The following MGAT4B variants were observed in gnomAD, a reference collection of about 807,000 sequenced individuals.
MGAT4B encodes N-acetylglucosaminyltransferase IVb.
Under a neutral mutation model 73.9 loss-of-function variants are expected in MGAT4B, and 38 were observed. That is an observed-to-expected ratio of 0.51 (90% confidence interval 0.40 to 0.67). MGAT4B has a LOEUF of 0.67. MGAT4B is among the 30% of genes least tolerant of loss of function. MGAT4B has a pLI of 0.00. For missense variants in MGAT4B, 686 were observed against 735.2 expected (o/e 0.93, Z 0.77); for synonymous variants, 373 against 313.5 (o/e 1.19, Z -2.01).
rs1194794934 is a variant in MGAT4B, at chr5:179,801,412, A to G, written c.480T>C (p.Thr160=). ...SVRREVHSYL[T]DTLHSLISEL... ...CGGAGATGAGCGAGTGCAGAGTGTCAGTCAGGTACGAGTGCACCTCGCGCC... is the reference window on the plus strand; with the variant it reads ...CGGAGATGAGCGAGTGCAGAGTGTCGGTCAGGTACGAGTGCACCTCGCGCC... The change falls in exon 4 of 15, where the codon ACT becomes ACC. Residue 160 remains threonine (T), a synonymous_variant. Transcript: ENST00000292591. The surrounding 1 kb of genome is among the most constrained non-coding windows in gnomAD (Gnocchi z 4.8). 25 of 1,612,382 alleles carry G rather than the reference A, an allele frequency of 1.6e-5. No homozygotes were observed. Among genetic ancestry groups the G allele is most frequent in the Non-Finnish European group, 2.0e-5 (23 of 1,179,450 alleles).
Position 179,797,929 on chromosome 5 carries a change from G to A in MGAT4B, c.*116C>T, listed in dbSNP as rs1449349458. ...GACCCCAGGCCGGCCCAAGCCCGAC[G>A]CCAGGCAGAACCCTTTGGGCGGGGC... On this transcript the variant is annotated 3_prime_UTR_variant, in exon 15 of 15. Transcript: ENST00000292591. 6 of 1,429,850 alleles carry A rather than the reference G, an allele frequency of 4.2e-6. No homozygotes were observed. Among genetic ancestry groups the A allele is most frequent in the East Asian group, 2.5e-5 (1 of 39,666 alleles). 88.6% of individuals were successfully genotyped at this position (1,429,850 alleles called of 1,614,324 possible).
chr5:179,800,042 G>C lies in MGAT4B; in HGVS notation c.822C>G (p.Pro274=), dbSNP rs370612709. 264 of 1,614,014 alleles carry C rather than the reference G, an allele frequency of 1.6e-4. No individual in the cohort carries two copies. The Middle Eastern group carries it at 3.1e-3, about 19-fold the overall frequency. ...AGTTCTTCATGGTGCTCAGGTAGTTGGGCTTGGCCACGATGTCATCCTCCA... is the reference window on the plus strand; with the variant it reads ...AGTTCTTCATGGTGCTCAGGTAGTTCGGCTTGGCCACGATGTCATCCTCCA... The part of the protein sequence containing the change: ...VQLEDDIVAK[P]NYLSTMKNFA... Residue 274 remains proline (P), a synonymous_variant, in exon 8 of 15, where the codon CCC becomes CCG. Coordinates refer to ENST00000292591, the MANE Select transcript of MGAT4B (RefSeq NM_014275.5).
rs1757164936 is a variant in MGAT4B at position 179,806,484 on chromosome 5, C to T, written c.97+3G>A. The T allele has an allele frequency of 1.5e-6, 2 of 1,292,030 alleles. No homozygotes were observed. The highest frequency in any genetic ancestry group is 5.5e-5 in the Admixed American group (2 of 36,526). 80.0% of individuals were successfully genotyped at this position (1,292,030 alleles called of 1,614,324 possible). A position where few individuals can be genotyped will look rare whatever the true frequency, so the allele number is the denominator to read the frequency against. ...GTGCGGGCCGGGCGGGGGTCGCGCT[C>T]ACCTTTCTGGCCGCTGAGTGCCGCG... On this transcript the variant is annotated splice_donor_region_variant and intron_variant, in intron 1 of 14. Coordinates refer to ENST00000292591, the MANE Select transcript of MGAT4B (RefSeq NM_014275.5). This position sits in a 1 kb window ranked among gnomAD's most constrained non-coding sequence, Gnocchi z 4.6.
Position 179,803,151 on chromosome 5 carries a change from C to T in MGAT4B, c.98-1182G>A. The T allele has an allele frequency of 1.3e-5, 13 of 985,588 alleles. No individual in the cohort carries two copies. The South Asian group carries it at 5.6e-4, about 43-fold the overall frequency. 61.1% of individuals were successfully genotyped at this position (985,588 alleles called of 1,614,324 possible). A position where few individuals can be genotyped will look rare whatever the true frequency, so the allele number is the denominator to read the frequency against. ...GGGAAGAGGAAGGGGTGGACCTGGG[C>T]AGGAGGGAAAGGTTTAAGGAGCAGG... is the stretch of plus-strand genomic sequence containing the variant. On this transcript the variant is annotated intron_variant, in intron 1 of 14. Transcript: ENST00000292591.
intron 6 of MGAT4B, 52 bp downstream of exon 6, chr5:179,800,432 G>A (rs1177868020): frequency 1.4e-6 from 2 of 1,447,982 alleles, no homozygotes; most frequent in Non-Finnish European, 9.6e-7. Context: ...CAGTAGATGG[G>A]TTCTCAGCAC....
At chr5:179,799,485 G>C in intron 9 of MGAT4B, 21 bp downstream of exon 9, 1 of 1,613,446 alleles carries the variant, frequency 6.2e-7, no homozygotes, top group Non-Finnish European at 8.5e-7. Flanking sequence ...GCCCCTGCCA[G>C]TCCCGCCAGC....
At chr5:179,798,845 T>G in intron 11 of MGAT4B, 83 bp downstream of exon 11, 24 of 1,498,634 alleles carry the variant, frequency 1.6e-5, no homozygotes, top group South Asian at 2.3e-5. Context: ...CTGAAGAACG[T>G]GAGGATAACT....
intron 1 of MGAT4B, among the ~76,000 whole-genome samples, chr5:179,805,718 G>A (rs892485509): frequency 6.6e-6 from 1 of 152,220 alleles, no homozygotes; most frequent in Non-Finnish European, 1.5e-5. Flanking sequence ...GCCTCCAGCA[G>A]GCAGGCAGGC....
chr5:179,802,828 T>C, intron 1 of MGAT4B: 2 of 985,504 alleles, frequency 2.0e-6, no homozygotes, highest in Non-Finnish European at 2.4e-6. Flanking sequence ...GTGCCCACAG[T>C]CCACGCAGCA....
At chr5:179,802,700 T>C (rs750768672) in intron 1 of MGAT4B, 90 of 986,158 alleles carry the variant, frequency 9.1e-5, no homozygotes, top group East Asian at 3.4e-4. Context: ...GGCCCAGGCA[T>C]GAGGGCTGTA....
intron 1 of MGAT4B, chr5:179,802,591 C>T (rs1425922745): frequency 3.0e-6 from 3 of 990,642 alleles, no homozygotes; most frequent in South Asian, 4.6e-5. Context: ...TAGCTCTGAA[C>T]GCCCTGGTGC....
At chr5:179,804,424 G>C (rs149829352) in intron 1 of MGAT4B, among the ~76,000 whole-genome samples, 1 of 152,278 alleles carries the variant, frequency 6.6e-6, no homozygotes, top group South Asian at 2.1e-4. Context: ...CTGAGACCCC[G>C]GGCTGCCCCC....
rs757369621 is a variant in MGAT4B at position 179,806,486 on chromosome 5, C to A, written c.97+1G>T. On this transcript the variant is annotated splice_donor_variant, in intron 1 of 14. Transcript: ENST00000292591. LOFTEE classifies it high-confidence loss of function. The surrounding 1 kb of genome is among the most constrained non-coding windows in gnomAD (Gnocchi z 4.6). Reference sequence around the variant, plus strand: ...GCGGGCCGGGCGGGGGTCGCGCTCACCTTTCTGGCCGCTGAGTGCCGCGTA... The same window carrying A: ...GCGGGCCGGGCGGGGGTCGCGCTCAACTTTCTGGCCGCTGAGTGCCGCGTA... 1.5e-6 allele frequency: 2 copies of A among 1,302,502 alleles called. No homozygotes were observed. Among genetic ancestry groups the A allele is most frequent in the Non-Finnish European group, 2.0e-6 (2 of 999,414 alleles). 80.7% of individuals were successfully genotyped at this position (1,302,502 alleles called of 1,614,324 possible). A position where few individuals can be genotyped will look rare whatever the true frequency, so the allele number is the denominator to read the frequency against.
At position 179,800,565 on chromosome 5, in the gene MGAT4B, T is replaced by A; in HGVS notation, c.638A>T (p.Glu213Val). Residue 213 changes from glutamate (E) to valine (V), a missense_variant, in exon 6 of 15, where the codon GAG becomes GTG. Coordinates refer to ENST00000292591, the MANE Select transcript of MGAT4B (RefSeq NM_014275.5). The part of the protein sequence containing the change: ...FPTEIHSGLL[E>V]VISPSPHFYP... Reference sequence around the variant, plus strand: ...GAAGTGGGGGGAGGGTGAGATGACCTCCAGGAGCCCAGAATGGATCTCCGT... The same window carrying A: ...GAAGTGGGGGGAGGGTGAGATGACCACCAGGAGCCCAGAATGGATCTCCGT... The A allele has an allele frequency of 6.2e-7, 1 of 1,611,572 alleles. No homozygotes were observed. Among genetic ancestry groups the A allele is most frequent in the Non-Finnish European group, 8.5e-7 (1 of 1,179,412 alleles).
chr5:179,803,128 G>T (rs1757015801), intron 1 of MGAT4B: 1 of 985,488 alleles, frequency 1.0e-6, no homozygotes, highest in Admixed American at 6.1e-5. Flanking sequence ...AGTGACCAGG[G>T]AAGAGGAAGG....
intron 13 of MGAT4B, 27 bp downstream of exon 13, chr5:179,798,320 C>T: frequency 1.9e-6 from 3 of 1,612,950 alleles, no homozygotes; most frequent in Non-Finnish European, 2.5e-6. Flanking sequence ...GAACCCCAGC[C>T]CACGCTCTCC....
intron 5 of MGAT4B, 91 bp downstream of exon 5, chr5:179,800,800 CCACGAGATAGGAAAGG>C: frequency 7.5e-7 from 1 of 1,327,136 alleles, no homozygotes; most frequent in Non-Finnish European, 1.1e-6. Context: ...CCCTGCCTCC[CCACGAGATAGGAAAGG>C]CACTATCTCA....
chr5:179,805,972 G>A (rs1757134178), intron 1 of MGAT4B, among the ~76,000 whole-genome samples: 1 of 115,076 alleles, frequency 8.7e-6, no homozygotes, highest in Admixed American at 8.4e-5. Flanking sequence ...GGCTGCCTCA[G>A]GACGCCTCCC....
chr5:179,798,231 G>T lies in MGAT4B; in HGVS notation c.1557C>A (p.Phe519Leu), dbSNP rs769211175. The T allele has an allele frequency of 6.8e-6, 11 of 1,607,672 alleles. No homozygotes were observed. The highest frequency in any genetic ancestry group is 9.3e-6 in the Non-Finnish European group (11 of 1,176,530). The change falls in exon 14 of 15, where the codon TTC becomes TTA. Residue 519 changes from phenylalanine to leucine, a missense_variant. Transcript: ENST00000292591. ...AGAGGCGCAGTGCTTCCAGAGGGCC[G>T]AAGGCTGGGTCCACCTCTCCCTCTG... ...GVAEGEVDPAFGPLEALRLSI... is the reference protein window; with the variant it reads ...GVAEGEVDPALGPLEALRLSI...
Sources: allele counts gnomAD v4.1 joint callset (sites outside exome capture counted in the v4.1 genomes callset), GRCh38; gene constraint gnomAD v4.1.1; non-coding constraint Gnocchi (gnomAD v3.1); transcripts MANE v1.5; gene names NCBI Gene and HGNC (gene_info 2026-07-23, HGNC 2026-07-21).